RAB27A: variants seen among roughly 807,000 people sequenced by gnomAD.
RAB27A encodes RAB27A, member RAS oncogene family, also known as ras-related protein Rab-27A.
A neutral mutation model predicts 20.8 loss-of-function variants in RAB27A; 17 were observed. The observed-to-expected ratio is 0.82, with a 90% CI of 0.56 to 1.23. The LOEUF is 1.23. Among genes scored for constraint, RAB27A ranks in the 50% most tolerant of loss-of-function variants. The probability of loss-of-function intolerance (pLI) is 0.00; values close to 1 mark genes in which losing one functional copy is unlikely to be tolerated. For missense variants in RAB27A, 277 were observed against 266.7 expected, an observed-to-expected ratio of 1.04 and a Z score of -0.27; for synonymous variants, 85 against 92.8, an observed-to-expected ratio of 0.92 and a Z score of 0.48.
intron 6 of RAB27A, among the ~76,000 whole-genome samples, chr15:55,208,424 A>G (rs1002985430): frequency 6.6e-6 from 1 of 152,200 alleles, no homozygotes; most frequent in Non-Finnish European, 1.5e-5. Flanking sequence ...ACACAGAACT[A>G]GAGAGTTTCC....
rs112354016 is a variant in RAB27A at position 55,209,843 on chromosome 15, C to T, written c.468-4138G>A. ...GTGTATATATACATATATGTGTGTA[C>T]ACATATATGTGTGTATATACATATA... On this transcript the variant is annotated intron_variant, in intron 6 of 6. Coordinates refer to ENST00000336787, the MANE Select transcript of RAB27A (RefSeq NM_183235.3). Among the ~76,000 whole-genome samples, 382 of 109,548 alleles carry T rather than the reference C, an allele frequency of 3.5e-3. 91 individuals are homozygous for T. Among genetic ancestry groups the T allele is most frequent in the African/African-American group, 0.014 (358 of 24,900 alleles). The allele number at this position is 109,548 out of a possible 152,430, so 71.9% of individuals were successfully genotyped here. A position where few individuals can be genotyped will look rare whatever the true frequency, so the allele number is the denominator to read the frequency against.
At chr15:55,318,432 C>CA (rs1354143513) in intron 1 of RAB27A, among the ~76,000 whole-genome samples, 1 of 141,282 alleles carries the variant, frequency 7.1e-6, no homozygotes, top group African/African-American at 2.5e-5. Context: ...GGGCCGCACG[C>CA]GGTGGCTCAC....
At chr15:55,249,437 G>C (rs1336498121) in intron 2 of RAB27A, among the ~76,000 whole-genome samples, 1 of 152,078 alleles carries the variant, frequency 6.6e-6, no homozygotes, top group African/African-American at 2.4e-5. Flanking sequence ...ACCAAAAATG[G>C]ATAATTCTTT....
intron 2 of RAB27A, among the ~76,000 whole-genome samples, chr15:55,301,127 A>G (rs938415579): frequency 6.6e-6 from 1 of 152,086 alleles, no homozygotes; most frequent in African/African-American, 2.4e-5. Flanking sequence ...TTAAAGGATG[A>G]ATGCAGCTTT....
chr15:55,252,339 C>T (rs552259635), intron 2 of RAB27A, among the ~76,000 whole-genome samples: 2 of 152,340 alleles, frequency 1.3e-5, no homozygotes, highest in Admixed American at 6.5e-5. Context: ...TACAGTGGCT[C>T]ACACTTGTAA....
At chr15:55,284,950 C>T (rs1898108898) in intron 1 of RAB27A, among the ~76,000 whole-genome samples, 1 of 152,152 alleles carries the variant, frequency 6.6e-6, no homozygotes, top group Admixed American at 6.5e-5. Flanking sequence ...CAAAAATCAG[C>T]CATGGCTCAA....
chr15:55,317,714 G>A (rs1274008399), intron 1 of RAB27A: 5 of 398,476 alleles, frequency 1.3e-5, no homozygotes, highest in African/African-American at 2.1e-5. Flanking sequence ...TCAAATACTG[G>A]TTGAAAAATA....
intron 2 of RAB27A, among the ~76,000 whole-genome samples, chr15:55,265,295 G>C (rs1897428484): frequency 6.6e-6 from 1 of 152,058 alleles, no homozygotes; most frequent in South Asian, 2.1e-4. Context: ...ACAAGCCGTT[G>C]GGGAGATGGG....
chr15:55,239,505 T>C (rs1229034745), intron 2 of RAB27A, among the ~76,000 whole-genome samples: 1 of 152,124 alleles, frequency 6.6e-6, no homozygotes, highest in Non-Finnish European at 1.5e-5. Context: ...GAACAGCATG[T>C]ATGTGTTCGA....
In RAB27A at chr15:55,218,024, T is replaced by A. The variant is rs142990938; in HGVS notation, c.467+5865A>T. On this transcript the variant is annotated intron_variant, in intron 6 of 6. Transcript: ENST00000336787. The stretch of plus-strand genomic sequence containing the variant: ...ATCTTGCTTGTGGCGTAGGTCAGCA[T>A]CCTGATTTCTTTTCCATTATTTATT... Among the ~76,000 whole-genome samples, 13 of 152,342 alleles carry A rather than the reference T, an allele frequency of 8.5e-5. No individual in the cohort carries two copies. In the East Asian group the frequency reaches 2.5e-3, roughly 29 times the overall value.
upstream of RAB27A, among the ~76,000 whole-genome samples, chr15:55,292,631 A>G (rs1336989967): frequency 3.3e-5 from 5 of 152,238 alleles, no homozygotes; most frequent in Admixed American, 6.5e-5. Context: ...AGCAACAGGA[A>G]GAAAACCTAG....
intron 1 of RAB27A, among the ~76,000 whole-genome samples, chr15:55,281,958 C>T (rs1273546955): frequency 6.6e-6 from 1 of 152,074 alleles, no homozygotes; most frequent in Non-Finnish European, 1.5e-5. Flanking sequence ...ACATCACTGG[C>T]TTTGTGTGAA....
At chr15:55,236,591 T>C (rs1896268059) in intron 2 of RAB27A, among the ~76,000 whole-genome samples, 1 of 152,226 alleles carries the variant, frequency 6.6e-6, no homozygotes, top group Non-Finnish European at 1.5e-5. Flanking sequence ...ACGGCTATTT[T>C]TGGTTCTTTG....
At chr15:55,211,317 T>G (rs1268271500) in intron 6 of RAB27A, among the ~76,000 whole-genome samples, 1 of 152,186 alleles carries the variant, frequency 6.6e-6, no homozygotes, top group African/African-American at 2.4e-5. Context: ...TGATAGGGAT[T>G]GCATTGAGTC....
chr15:55,214,866 G>A (rs1475338067), intron 6 of RAB27A, among the ~76,000 whole-genome samples: 1 of 152,086 alleles, frequency 6.6e-6, no homozygotes, highest in Non-Finnish European at 1.5e-5. Context: ...TGATGCCATT[G>A]TTACAAGAAT....
intron 5 of RAB27A, among the ~76,000 whole-genome samples, chr15:55,227,126 C>T (rs901906898): frequency 2.0e-5 from 3 of 152,206 alleles, no homozygotes; most frequent in Admixed American, 6.5e-5. Context: ...GATTCTTTTA[C>T]TCTCTAAGGA....
chr15:55,211,627 C>A (rs763001241), intron 6 of RAB27A, among the ~76,000 whole-genome samples: 2 of 152,028 alleles, frequency 1.3e-5, no homozygotes, highest in African/African-American at 2.4e-5. Context: ...TTACTGAATT[C>A]GTTGATCAGT....
intron 2 of RAB27A, among the ~76,000 whole-genome samples, chr15:55,251,925 A>G (rs543485933): frequency 8.1e-4 from 124 of 152,286 alleles, no homozygotes; most frequent in Middle Eastern, 3.4e-3. Context: ...AAGCGGCATG[A>G]GGTAGAGGGG....
intron 1 of RAB27A, among the ~76,000 whole-genome samples, chr15:55,273,663 T>C (rs1045065450): frequency 6.6e-6 from 1 of 152,110 alleles, no homozygotes; most frequent in Non-Finnish European, 1.5e-5. Flanking sequence ...GGTAGTTATG[T>C]GGTGACAAGG....
Sources: gnomAD v4.1 joint callset for allele counts (sites outside exome capture counted in the v4.1 genomes callset) on GRCh38, gnomAD v4.1.1 for gene constraint, MANE v1.5 for transcripts, NCBI Gene and HGNC (gene_info 2026-07-23, HGNC 2026-07-21) for gene names.